Variants in PCSK5 observed in about 807,000 individuals in gnomAD.
PCSK5 encodes prohormone convertase 5.
In PCSK5, 129 loss-of-function variants were observed where a neutral mutation model predicts 233.2. The ratio of observed to expected loss-of-function variants is 0.55; its 90% CI spans 0.48 to 0.64. PCSK5 has a LOEUF of 0.64. PCSK5 is among the 30% of genes least tolerant of loss of function. The pLI, the probability that PCSK5 is intolerant of heterozygous loss-of-function variation, is 0.00. For synonymous variants in PCSK5, 825 were observed against 879.2 expected, an observed-to-expected ratio of 0.94 and a Z score of 1.09; for missense variants, 2,076 against 2,430.1, an observed-to-expected ratio of 0.85 and a Z score of 3.06.
At chr9:76,069,214 G>T (rs74392776) in intron 6 of PCSK5, among the ~76,000 whole-genome samples, 1 of 152,006 alleles carries the variant, frequency 6.6e-6, no homozygotes, top group African/African-American at 2.4e-5. Context: ...AAAATTCTTC[G>T]TTCCCTGAAG....
intron 5 of PCSK5, among the ~76,000 whole-genome samples, chr9:76,051,929 A>T (rs1401857406): frequency 1.3e-5 from 2 of 152,222 alleles, no homozygotes; most frequent in Admixed American, 6.5e-5. Context: ...AGGATTTGAG[A>T]GTCCTAATAG....
chr9:75,983,377 A>G (rs1004877720), intron 2 of PCSK5, among the ~76,000 whole-genome samples: 1 of 152,148 alleles, frequency 6.6e-6, no homozygotes, highest in Non-Finnish European at 1.5e-5. Flanking sequence ...TTCAGCTGAG[A>G]TTATGAGGGC....
At chr9:76,237,766 C>A (rs1203109338) in intron 22 of PCSK5, among the ~76,000 whole-genome samples, 2 of 151,928 alleles carry the variant, frequency 1.3e-5, no homozygotes, top group African/African-American at 4.8e-5. Flanking sequence ...CAGAGTGAGA[C>A]CCTGTCTCAA....
At position 76,083,976 on chromosome 9, in the gene PCSK5, A is replaced by G. The variant is rs569878807; in HGVS notation, c.895-11914A>G. Among the ~76,000 whole-genome samples the G allele has an allele frequency of 3.3e-5, 5 of 152,320 alleles. No homozygotes were observed. The East Asian group carries it at 7.7e-4, about 23-fold the overall frequency. ...AGATTACTGTTAAACTGGTCAGCAA[A>G]TGTAAAATTTTGGAATGATATATAG... On this transcript the variant is annotated intron_variant, in intron 7 of 37. Coordinates refer to ENST00000674117, the MANE Select transcript of PCSK5 (RefSeq NM_001372043.1).
In PCSK5 at chr9:76,019,337, G is replaced by A. The variant is rs1336091945; in HGVS notation, c.412-4401G>A. On this transcript the variant is annotated intron_variant, in intron 3 of 37. Transcript: ENST00000674117. ...TTTGAGTATATGTACCCTTTACCTA[G>A]TTGATTAGATGTATGTCTTCATTTC... Among the ~76,000 whole-genome samples, 3 of 151,526 alleles carry A rather than the reference G, an allele frequency of 2.0e-5. No homozygotes were observed. In the East Asian group the frequency reaches 5.8e-4, roughly 29 times the overall value.
chr9:76,308,713 A>C lies in PCSK5; in HGVS notation c.3673A>C (p.Thr1225Pro), dbSNP rs776175620. 20 of 1,608,118 alleles carry C rather than the reference A, an allele frequency of 1.2e-5. No homozygotes were observed. In the East Asian group the frequency reaches 4.5e-4, roughly 36 times the overall value. ...CTGCAATGGATCTGCAACTCTGTGCACTTCATGTCCCAAAGGTTAGTGTGT... is the reference window on the plus strand; with the variant it reads ...CTGCAATGGATCTGCAACTCTGTGCCCTTCATGTCCCAAAGGTTAGTGTGT... ...KTCNGSATLC[T>P]SCPKGAYLLA... The change falls in exon 29 of 38, where the codon ACT becomes CCT. Residue 1225 changes from threonine (T) to proline (P), a missense_variant. Physicochemically the swap from Thr to Pro is conservative, Grantham distance 38 (BLOSUM62 -1). Transcript: ENST00000674117.
At position 76,096,107 on chromosome 9, in the gene PCSK5, G is replaced by A; in HGVS notation, c.1107+5G>A. On this transcript the variant is annotated splice_donor_5th_base_variant and intron_variant, in intron 8 of 37. Transcript: ENST00000674117. ...GAGTCCTACGATAAGAAAATCGTAC[G>A]TGACATGTGCATGCCCATCATGATC... The A allele has an allele frequency of 1.2e-6, 2 of 1,602,374 alleles. No individual in the cohort carries two copies. Among genetic ancestry groups the A allele is most frequent in the Non-Finnish European group, 1.7e-6 (2 of 1,169,714 alleles).
At chr9:76,087,297 T>A (rs142850844) in intron 7 of PCSK5, among the ~76,000 whole-genome samples, 1 of 152,262 alleles carries the variant, frequency 6.6e-6, no homozygotes, top group Non-Finnish European at 1.5e-5. Context: ...CTAGCAGATA[T>A]GGTGGATAAG....
intron 1 of PCSK5, among the ~76,000 whole-genome samples, chr9:75,914,811 C>T (rs1423160231): frequency 6.6e-6 from 1 of 152,056 alleles, no homozygotes; most frequent in Non-Finnish European, 1.5e-5. Context: ...GAAAATTGGT[C>T]AAGGGAGTTA....
intron 22 of PCSK5, among the ~76,000 whole-genome samples, chr9:76,237,629 G>T (rs917065010): frequency 6.7e-6 from 1 of 150,074 alleles, no homozygotes; most frequent in African/African-American, 2.4e-5. Context: ...AAAAAAAAAT[G>T]GTTGGGCATG....
At chr9:75,933,287 CCT>C (rs981150855) in intron 2 of PCSK5, among the ~76,000 whole-genome samples, 1 of 152,108 alleles carries the variant, frequency 6.6e-6, no homozygotes, top group African/African-American at 2.4e-5. Context: ...AACTAATTGG[CCT>C]CTCTGATGTG....
intron 20 of PCSK5, among the ~76,000 whole-genome samples, chr9:76,211,860 A>G (rs543953207): frequency 2.0e-5 from 3 of 152,156 alleles, no homozygotes; most frequent in African/African-American, 7.2e-5. Context: ...AAAAAAAATC[A>G]AAGTCATGCT....
Position 76,040,670 on chromosome 9 carries a change from T to C in PCSK5, c.632+13633T>C, listed in dbSNP as rs564622081. On this transcript the variant is annotated intron_variant, in intron 5 of 37. Transcript: ENST00000674117. ...AAAGTGAGTCTGGCCTCCAAACCCA[T>C]GTTCCTTGTATCATAATACACTCTA... 1.2e-4 allele frequency among the ~76,000 whole-genome samples: 19 copies of C among 152,270 alleles called. No individual in the cohort carries two copies. In the South Asian group the frequency reaches 3.9e-3, roughly 32 times the overall value.
intron 30 of PCSK5, among the ~76,000 whole-genome samples, chr9:76,315,928 G>GTTTTTTTTTTTTTT (rs71499141): frequency 5.1e-4 from 47 of 91,800 alleles, no homozygotes; most frequent in Non-Finnish European, 6.3e-4. Context: ...CACTTCAAGG[G>GTTTTTTTTTTTTTT]TTTTTTTTTT....
intron 3 of PCSK5, among the ~76,000 whole-genome samples, chr9:76,003,997 C>T (rs993229308): frequency 6.6e-6 from 1 of 152,024 alleles, no homozygotes; most frequent in African/African-American, 2.4e-5. Context: ...AGCAGGGTTT[C>T]GTGTTCCGTA....
At chr9:76,215,629 T>C (rs780757769) in intron 20 of PCSK5, among the ~76,000 whole-genome samples, 6 of 152,030 alleles carry the variant, frequency 3.9e-5, no homozygotes, top group Non-Finnish European at 2.9e-5. Flanking sequence ...TTGATAATAA[T>C]GGAGAGTGGA....
At chr9:76,278,118 CT>C (rs1331267819) in intron 24 of PCSK5, among the ~76,000 whole-genome samples, 1 of 152,174 alleles carries the variant, frequency 6.6e-6, no homozygotes, top group Non-Finnish European at 1.5e-5. Context: ...TCCAACAAGG[CT>C]GCAGGTGCTC....
chr9:76,279,868 G>C (rs894470514), intron 24 of PCSK5, among the ~76,000 whole-genome samples: 1 of 151,610 alleles, frequency 6.6e-6, no homozygotes, highest in Non-Finnish European at 1.5e-5. Flanking sequence ...TAGGTTGCCT[G>C]TTCACTCTGA....
At chr9:76,252,325 G>T (rs1351687782) in intron 24 of PCSK5, among the ~76,000 whole-genome samples, 1 of 152,128 alleles carries the variant, frequency 6.6e-6, no homozygotes, top group Non-Finnish European at 1.5e-5. Context: ...CTTCTTTTCT[G>T]CCCCTTTCCT....
Sources: gnomAD v4.1 joint callset for allele counts (sites outside exome capture counted in the v4.1 genomes callset) on GRCh38, gnomAD v4.1.1 for gene constraint, MANE v1.5 for transcripts, NCBI Gene and HGNC (gene_info 2026-07-23, HGNC 2026-07-21) for gene names.